The following RPS5 variants were observed in gnomAD, a reference collection of about 807,000 sequenced individuals.
RPS5 encodes the protein ribosomal protein S5.
A neutral mutation model predicts 20.9 loss-of-function variants in RPS5; 2 were observed. That is an observed-to-expected ratio of 0.10 (90% CI 0.04 to 0.30). RPS5 has a LOEUF of 0.30. Among genes scored for constraint, RPS5 ranks in the 10% least tolerant of loss-of-function variants. The pLI is 1.00. For synonymous variants in RPS5, 112 were observed against 105.8 expected, an observed-to-expected ratio of 1.06 and a Z score of -0.36; for missense variants, 122 against 287.2, an observed-to-expected ratio of 0.42 and a Z score of 4.16.
chr19:58,388,108 G>GT (rs2052338708), intron 1 of RPS5, 29 bp from the exon 2 acceptor site: 6 of 1,544,984 alleles, frequency 3.9e-6, no homozygotes, highest in African/African-American at 1.4e-5. Context: ...GAGCTCTGAC[G>GT]TTTTTTTCCT....
chr19:58,390,426 C>CTTTTTT lies in RPS5; in HGVS notation c.108+2205_108+2210dup, dbSNP rs61279930. ...TTGTGGGCCACACTGGCCACTGTTA[C>CTTTTTT]TTTTTTTTTTTTTTTTTTTTTTTTT... On this transcript the variant is annotated intron_variant, in intron 2 of 5. Transcript: ENST00000196551. Among the ~76,000 whole-genome samples, 3 of 47,662 alleles carry CTTTTTT rather than the reference C, an allele frequency of 6.3e-5. 1 individual carries two copies. The highest frequency in any genetic ancestry group is 2.1e-4 in the African/African-American group (3 of 14,600). 31.3% of individuals were successfully genotyped at this position (47,662 alleles called of 152,430 possible).
chr19:58,388,049 C>T (rs556926229), intron 1 of RPS5, 88 bp from the exon 2 acceptor site: 6 of 840,936 alleles, frequency 7.1e-6, no homozygotes, highest in African/African-American at 1.7e-5. Context: ...CACTAGATGG[C>T]GGCTAGCCTC....
Position 58,393,206 on chromosome 19 carries a change from G to A in RPS5, c.318+21G>A, listed in dbSNP as rs533211173. The A allele has an allele frequency of 2.5e-6, 4 of 1,613,988 alleles. No homozygotes were observed. In the Admixed American group the frequency reaches 6.7e-5, roughly 27 times the overall value. On this transcript the variant is annotated intron_variant, in intron 3 of 5. Coordinates refer to ENST00000196551, the MANE Select transcript of RPS5 (RefSeq NM_001009.4). ...GCGAGGTAGGGCTCTGTGGCCTGGT[G>A]AGGGCAGGCTGTGCCCTCAGTACAC...
At chr19:58,392,335 A>C (rs1038820735) in intron 2 of RPS5, among the ~76,000 whole-genome samples, 2 of 151,328 alleles carry the variant, frequency 1.3e-5, no homozygotes, top group Admixed American at 6.6e-5. Flanking sequence ...GGGGGGAAAA[A>C]AAAAACTAGG....
intron 1 of RPS5, chr19:58,387,884 C>T (rs1395138613): frequency 5.7e-6 from 3 of 528,796 alleles, no homozygotes; most frequent in East Asian, 3.3e-5. Context: ...ATACCTTGGT[C>T]CCAGTGCAGC....
At chr19:58,392,049 C>G (rs1364681561) in intron 2 of RPS5, among the ~76,000 whole-genome samples, 1 of 152,182 alleles carries the variant, frequency 6.6e-6, no homozygotes, top group African/African-American at 2.4e-5. Flanking sequence ...GTGCCAGGCA[C>G]TGTGGCTCAT....
rs61279930 is a variant in RPS5, at chr19:58,390,426, C to CTT, written c.108+2209_108+2210dup. Among the ~76,000 whole-genome samples, 46 of 47,708 alleles carry CTT rather than the reference C, an allele frequency of 9.6e-4. 10 individuals carry two copies. The highest frequency in any genetic ancestry group is 2.4e-3 in the African/African-American group (35 of 14,632). 31.3% of individuals were successfully genotyped at this position (47,708 alleles called of 152,430 possible). A position where few individuals can be genotyped will look rare whatever the true frequency, so the allele number is the denominator to read the frequency against. The stretch of plus-strand genomic sequence containing the variant: ...TTGTGGGCCACACTGGCCACTGTTA[C>CTT]TTTTTTTTTTTTTTTTTTTTTTTTT... On this transcript the variant is annotated intron_variant, in intron 2 of 5. Transcript: ENST00000196551.
intron 2 of RPS5, among the ~76,000 whole-genome samples, chr19:58,389,501 C>T (rs974263331): frequency 6.6e-6 from 1 of 152,178 alleles, no homozygotes; most frequent in African/African-American, 2.4e-5. Flanking sequence ...GACTTAGGCA[C>T]TATGCCTAAT....
chr19:58,392,618 CA>C (rs112715872), intron 2 of RPS5, among the ~76,000 whole-genome samples: 124 of 133,294 alleles, frequency 9.3e-4, no homozygotes, highest in African/African-American at 1.5e-3. Flanking sequence ...GTGAGAGACT[CA>C]AAAAAAAAAA....
chr19:58,388,044 G>A (rs2052338119), intron 1 of RPS5, 93 bp from the exon 2 acceptor site: 1 of 811,912 alleles, frequency 1.2e-6, no homozygotes, highest in South Asian at 1.5e-5. Context: ...TTCATCACTA[G>A]ATGGCGGCTA....
intron 2 of RPS5, chr19:58,388,665 CG>C (rs1308469077): frequency 1.5e-5 from 4 of 274,062 alleles, no homozygotes; most frequent in Non-Finnish European, 2.5e-5. Flanking sequence ...TTTTTTGAGA[CG>C]GAGTCTCACT....
chr19:58,391,121 TAAG>T (rs2052360383), intron 2 of RPS5, among the ~76,000 whole-genome samples: 1 of 152,180 alleles, frequency 6.6e-6, no homozygotes, highest in South Asian at 2.1e-4. Flanking sequence ...TATGTAAGTA[TAAG>T]AAGACTTGTT....
At chr19:58,388,297 A>G in intron 2 of RPS5, 52 bp downstream of exon 2, 4 of 1,256,524 alleles carry the variant, frequency 3.2e-6, no homozygotes, top group Non-Finnish European at 4.6e-6. Flanking sequence ...ACATTATTCC[A>G]GGAAGGCACA....
At chr19:58,389,958 G>T (rs551837386) in intron 2 of RPS5, among the ~76,000 whole-genome samples, 1 of 152,246 alleles carries the variant, frequency 6.6e-6, no homozygotes, top group East Asian at 1.9e-4. Context: ...GCAATGGTGC[G>T]ATCTTGGCTC....
At chr19:58,392,032 C>T (rs8109919) in intron 2 of RPS5, among the ~76,000 whole-genome samples, 59 of 151,986 alleles carry the variant, frequency 3.9e-4, no homozygotes, top group Non-Finnish European at 7.9e-4. Context: ...GAAAACTGAC[C>T]GGGGTGGTGC....
At chr19:58,389,142 A>G (rs2052347736) in intron 2 of RPS5, among the ~76,000 whole-genome samples, 1 of 152,154 alleles carries the variant, frequency 6.6e-6, no homozygotes, top group Non-Finnish European at 1.5e-5. Context: ...GGCCTTAAGA[A>G]CTTTAGCTTT....
rs762614548 is a variant in RPS5, at chr19:58,394,678, G to C, written c.547-4G>C. The C allele has an allele frequency of 6.2e-7, 1 of 1,614,148 alleles. No homozygotes were observed. On this transcript the variant is annotated splice_region_variant and splice_polypyrimidine_tract_variant and intron_variant, in intron 5 of 5. Transcript: ENST00000196551. ...AGAATTCAGAGCTGTGTGTCTCCTT[G>C]CAGGGCTCCTCGAACTCCTATGCCA...
chr19:58,388,309 A>T, intron 2 of RPS5, 64 bp downstream of exon 2: 2 of 1,146,338 alleles, frequency 1.7e-6, no homozygotes, highest in Admixed American at 3.9e-5. Context: ...GAAGGCACAC[A>T]TCAAACTTGT....
rs116405652 is a variant in RPS5, at chr19:58,394,620, G to A, written c.546+25G>A. 6 of 1,613,796 alleles carry A rather than the reference G, an allele frequency of 3.7e-6. No individual in the cohort carries two copies. The South Asian group carries it at 5.5e-5, about 15-fold the overall frequency. On this transcript the variant is annotated intron_variant, in intron 5 of 5. Transcript: ENST00000196551. ...GGTGGGTGAGGGCACTCCGGTTGGG[G>A]GGTCTTAAGTTGGGCATTTGTGGGG...
Sources: allele counts gnomAD v4.1 joint callset (sites outside exome capture counted in the v4.1 genomes callset), GRCh38; gene constraint gnomAD v4.1.1; transcripts MANE v1.5; gene names NCBI Gene and HGNC (gene_info 2026-07-23, HGNC 2026-07-21).